CADM4: variants seen among roughly 807,000 people sequenced by gnomAD.
CADM4 encodes the protein TSLC1-like 2.
In CADM4, 13 loss-of-function variants were observed where a neutral mutation model predicts 43.9. The ratio of observed to expected loss-of-function variants is 0.30; its 90% confidence interval spans 0.19 to 0.47. The LOEUF is 0.47. Ranked by LOEUF, CADM4 falls within the 20% of genes least tolerant of loss-of-function variation. The probability of loss-of-function intolerance (pLI) is 1.00; values close to 1 mark genes in which losing one functional copy is unlikely to be tolerated. For missense variants in CADM4, 420 were observed against 527.0 expected (o/e 0.80, Z 1.99); for synonymous variants, 209 against 220.9 (o/e 0.95, Z 0.48).
intron 1 of CADM4, among the ~76,000 whole-genome samples, chr19:43,636,673 A>G (rs1483732917): frequency 1.3e-5 from 2 of 149,344 alleles, no homozygotes; most frequent in East Asian, 2.0e-4. Context: ...GGCTCGCACG[A>G]CATTAACCCA....
chr19:43,630,900 C>T (rs1297192750), intron 1 of CADM4, among the ~76,000 whole-genome samples: 2 of 152,150 alleles, frequency 1.3e-5, no homozygotes, highest in African/African-American at 4.8e-5. Flanking sequence ...CTATCCATGT[C>T]TTTTACATTC....
At chr19:43,639,417 T>G (rs1600104051) in intron 1 of CADM4, among the ~76,000 whole-genome samples, 3 of 141,186 alleles carry the variant, frequency 2.1e-5, no homozygotes, top group Non-Finnish European at 4.6e-5. Flanking sequence ...ACGCAGAGAC[T>G]GGACAGAAGG....
At position 43,626,925 on chromosome 19, in the gene CADM4, C is replaced by A. The variant is rs1478797910; in HGVS notation, c.365-7G>T. On this transcript the variant is annotated splice_region_variant and splice_polypyrimidine_tract_variant and intron_variant, in intron 3 of 8. Transcript: ENST00000222374. The surrounding 1 kb of genome is among the most constrained non-coding windows in gnomAD (Gnocchi z 5.9). ...ACAGGATTCTCTGGGGCCACTGCCG[C>A]AGGGAGAAGGGAAGTAAGGGGTTAA... 1.3e-6 allele frequency: 2 copies of A among 1,590,184 alleles called. No homozygotes were observed. The highest frequency in any genetic ancestry group is 1.7e-6 in the Non-Finnish European group (2 of 1,169,382).
Position 43,625,782 on chromosome 19 carries a change from C to G in CADM4, c.755+129G>C. 1 of 737,292 alleles carries G rather than the reference C, an allele frequency of 1.4e-6. No homozygotes were observed. Among genetic ancestry groups the G allele is most frequent in the Non-Finnish European group, 2.3e-6 (1 of 443,550 alleles). The allele number at this position is 737,292 out of a possible 1,614,324, so 45.7% of individuals were successfully genotyped here. A position where few individuals can be genotyped will look rare whatever the true frequency, so the allele number is the denominator to read the frequency against. The stretch of plus-strand genomic sequence containing the variant: ...TCCTCAGGACCCAGGAATCCAGGTC[C>G]TAGCTCCCTGTTTGTCCAGGTCCTC... On this transcript the variant is annotated intron_variant, in intron 6 of 8. Transcript: ENST00000222374. The surrounding 1 kb of genome is among the most constrained non-coding windows in gnomAD (Gnocchi z 4.5).
In CADM4 at chr19:43,627,367, C is replaced by A; in HGVS notation, c.212-49G>T. 6.6e-7 allele frequency: 1 copy of A among 1,517,650 alleles called. No homozygotes were observed. Among genetic ancestry groups the A allele is most frequent in the Non-Finnish European group, 8.9e-7 (1 of 1,129,112 alleles). 94.0% of individuals were successfully genotyped at this position (1,517,650 alleles called of 1,614,324 possible). On this transcript the variant is annotated intron_variant, in intron 2 of 8. Transcript: ENST00000222374. The surrounding 1 kb of genome is among the most constrained non-coding windows in gnomAD (Gnocchi z 4.0). ...GTGAATTTCGGGAGTCCTGGCCTCA[C>A]AAGTCCCACCCTTCCGACAGGAGCT...
chr19:43,634,202 G>T (rs2146156414), intron 1 of CADM4, among the ~76,000 whole-genome samples: 1 of 152,322 alleles, frequency 6.6e-6, no homozygotes, highest in South Asian at 2.1e-4. Flanking sequence ...CTGAAGCTCA[G>T]GGAGCCCTCT....
chr19:43,624,937 C>A, intron 7 of CADM4, 141 bp downstream of exon 7: 2 of 896,064 alleles, frequency 2.2e-6, no homozygotes, highest in Non-Finnish European at 3.3e-6. Context: ...GAATTTGAGC[C>A]CCGCGGGCCA....
upstream of CADM4, chr19:43,639,885 G>T (rs946044364): frequency 9.8e-6 from 9 of 915,352 alleles, no homozygotes; most frequent in African/African-American, 9.1e-5. Context: ...CCCCCTGCCC[G>T]CCCGGGGGCG....
chr19:43,639,639 G>C (rs995137630), intron 1 of CADM4, 88 bp downstream of exon 1: 54 of 767,270 alleles, frequency 7.0e-5, no homozygotes, highest in Non-Finnish European at 8.1e-5. Flanking sequence ...CGCATTGTTC[G>C]GCCTCTGCGG....
Position 43,625,047 on chromosome 19 carries a change from C to CCGCCCT in CADM4, c.928+25_928+30dup. ...GCCCCCGCCACCTGGCGCCCCGCCC[C>CCGCCCT]CGCCCTCAGTCGGCCGCAGCCTGCT... On this transcript the variant is annotated intron_variant, in intron 7 of 8. Coordinates refer to ENST00000222374, the MANE Select transcript of CADM4 (RefSeq NM_145296.2). The surrounding 1 kb of genome is among the most constrained non-coding windows in gnomAD (Gnocchi z 4.5). The CCGCCCT allele has an allele frequency of 6.8e-7, 1 of 1,461,904 alleles. No homozygotes were observed. Among genetic ancestry groups the CCGCCCT allele is most frequent in the Non-Finnish European group, 9.1e-7 (1 of 1,104,200 alleles). 90.6% of individuals were successfully genotyped at this position (1,461,904 alleles called of 1,614,324 possible).
In CADM4 at chr19:43,623,124, C is replaced by T; in HGVS notation, c.*206G>A. On this transcript the variant is annotated 3_prime_UTR_variant, in exon 9 of 9. Coordinates refer to ENST00000222374, the MANE Select transcript of CADM4 (RefSeq NM_145296.2). The surrounding 1 kb of genome is among the most constrained non-coding windows in gnomAD (Gnocchi z 4.4). ...CCTTTGGCCCCTGCCCCCTGGGGGA[C>T]CCAGACCTCTGGGCCCTCACTTCTG... is the stretch of plus-strand genomic sequence containing the variant. The T allele has an allele frequency of 1.7e-6, 1 of 574,974 alleles. No individual in the cohort carries two copies. The highest frequency in any genetic ancestry group is 1.9e-5 in the African/African-American group (1 of 53,242). The allele number at this position is 574,974 out of a possible 1,614,324, so 35.6% of individuals were successfully genotyped here.
chr19:43,630,059 T>C (rs1007699252), intron 1 of CADM4, among the ~76,000 whole-genome samples: 2 of 151,266 alleles, frequency 1.3e-5, no homozygotes, highest in Non-Finnish European at 2.9e-5. Context: ...GTGCACAACA[T>C]CACACCTGGC....
In CADM4 at chr19:43,624,104, T is replaced by A. The variant is rs768065977; in HGVS notation, c.1057+10A>T. ...AACCAACCGTAGAGTCCAGGCCCCG[T>A]CCCACTCACCCTTCTGCCGTACCGA... On this transcript the variant is annotated intron_variant, in intron 8 of 8. Transcript: ENST00000222374. 8.7e-6 allele frequency: 14 copies of A among 1,613,878 alleles called. No homozygotes were observed. The highest frequency in any genetic ancestry group is 1.1e-5 in the Non-Finnish European group (13 of 1,179,982).
intron 1 of CADM4, among the ~76,000 whole-genome samples, chr19:43,631,117 C>A (rs559559059): frequency 6.6e-6 from 1 of 151,946 alleles, no homozygotes; most frequent in East Asian, 1.9e-4. Context: ...CCGAGGTGGG[C>A]GGATCACAAG....
chr19:43,639,667 T>A, intron 1 of CADM4, 60 bp downstream of exon 1: 1 of 935,172 alleles, frequency 1.1e-6, no homozygotes, highest in Non-Finnish European at 1.3e-6. Context: ...GCTGCCGGGC[T>A]GTCACCACAG....
chr19:43,624,180 C>A lies in CADM4; in HGVS notation c.991G>T (p.Ala331Ser). 6.2e-7 allele frequency: 1 copy of A among 1,614,196 alleles called. No individual in the cohort carries two copies. The highest frequency in any genetic ancestry group is 8.5e-7 in the Non-Finnish European group (1 of 1,180,034). Residue 331 changes from alanine to serine, a missense_variant, in exon 8 of 9, where the codon GCG (alanine) becomes TCG (serine). Coordinates refer to ENST00000222374, the MANE Select transcript of CADM4 (RefSeq NM_145296.2). ...CATATGATCAGAAACACCAGCAGCG[C>A]CAGGATGCCGCCCACAATGGCATAG... ...VPYAIVGGIL[A>S]LLVFLIICVL... is the part of the protein sequence containing the mutation.
chr19:43,635,205 G>A (rs996713018), intron 1 of CADM4, among the ~76,000 whole-genome samples: 6 of 152,008 alleles, frequency 3.9e-5, no homozygotes, highest in Admixed American at 2.0e-4. Flanking sequence ...TCATAGTTCC[G>A]GGAAGGTCAC....
chr19:43,633,960 T>C (rs1194953635), intron 1 of CADM4, among the ~76,000 whole-genome samples: 1 of 152,060 alleles, frequency 6.6e-6, no homozygotes, highest in African/African-American at 2.4e-5. Context: ...CCTCCCAAAG[T>C]GCTGGGATTA....
chr19:43,623,412 C>CCAG lies in CADM4; in HGVS notation c.1084_1085insCTG (p.Ser361_Gly362insAla), dbSNP rs1332014658. On this transcript the variant is annotated inframe_insertion, in exon 9 of 9. Transcript: ENST00000222374. This position sits in a 1 kb window ranked among gnomAD's most constrained non-coding sequence, Gnocchi z 4.4. ...TCTTGCTTCTCCCTGTTCATCCAAG[C>CCAG]CACTGGCTTCGTGGGTCAGATAGGA... The CCAG allele has an allele frequency of 1.9e-6, 3 of 1,614,140 alleles. No homozygotes were observed. The highest frequency in any genetic ancestry group is 1.7e-4 in the Middle Eastern group (1 of 6,060).
Sources: gnomAD v4.1 joint callset for allele counts (sites outside exome capture counted in the v4.1 genomes callset) on GRCh38, gnomAD v4.1.1 for gene constraint, Gnocchi (gnomAD v3.1) non-coding constraint, MANE v1.5 for transcripts, NCBI Gene and HGNC (gene_info 2026-07-23, HGNC 2026-07-21) for gene names.